Variants in FAR1 observed in about 807,000 individuals in gnomAD.
The protein encoded by FAR1 is male sterility domain-containing protein 2.
FAR1 carries 22 observed loss-of-function variants against 61.1 expected under a neutral mutation model. That is an observed-to-expected ratio of 0.36 (90% CI 0.26 to 0.51). The LOEUF is 0.51. Ranked by LOEUF, FAR1 falls within the 20% of genes least tolerant of loss-of-function variation. FAR1 has a pLI of 0.95. For synonymous variants in FAR1, 206 were observed against 209.7 expected, an observed-to-expected ratio of 0.98 and a Z score of 0.15; for missense variants, 359 against 626.9, an observed-to-expected ratio of 0.57 and a Z score of 4.56.
In FAR1 at chr11:13,672,560, A is replaced by G. The variant is rs562114134; in HGVS notation, c.-8+3754A>G. Among the ~76,000 whole-genome samples the G allele has an allele frequency of 6.6e-3, 1,004 of 151,444 alleles. 6 individuals carry two copies. The highest frequency in any genetic ancestry group is 6.5e-3 in the Non-Finnish European group (440 of 67,850). Reference sequence around the variant, plus strand: ...ACCCTGTCTCAAAAAAAAAAAAAAAAGTGAGCATTATTTTTATAATTAGTG... The same window carrying G: ...ACCCTGTCTCAAAAAAAAAAAAAAAGGTGAGCATTATTTTTATAATTAGTG... On this transcript the variant is annotated intron_variant, in intron 1 of 11. Coordinates refer to ENST00000354817, the MANE Select transcript of FAR1 (RefSeq NM_032228.6).
chr11:13,685,671 C>G (rs1447071834), intron 1 of FAR1: 2 of 172,316 alleles, frequency 1.2e-5, no homozygotes, highest in South Asian at 2.6e-4. Flanking sequence ...GAAGCCAAGT[C>G]GAGCACACAC....
At chr11:13,715,426 C>T (rs1848545569) in intron 9 of FAR1, among the ~76,000 whole-genome samples, 1 of 152,114 alleles carries the variant, frequency 6.6e-6, no homozygotes, top group Admixed American at 6.6e-5. Context: ...GCCCTTCTCT[C>T]CCTCTTAAAA....
At chr11:13,708,447 GCACACACACACA>G (rs61253307) in intron 4 of FAR1, among the ~76,000 whole-genome samples, 7 of 136,700 alleles carry the variant, frequency 5.1e-5, no homozygotes, top group African/African-American at 1.1e-4. Context: ...GCGCGCGCGC[GCACACACACACA>G]CACACACACA....
rs762762733 is a variant in FAR1 at position 13,714,654 on chromosome 11, C to T, written c.1101C>T (p.Tyr367=). 4 of 1,610,616 alleles carry T rather than the reference C, an allele frequency of 2.5e-6. No homozygotes were observed. Among genetic ancestry groups the T allele is most frequent in the Admixed American group, 1.7e-5 (1 of 58,966 alleles). The change falls in exon 9 of 12, where the codon TAC becomes TAT. Residue 367 remains tyrosine, a synonymous_variant. Coordinates refer to ENST00000354817, the MANE Select transcript of FAR1 (RefSeq NM_032228.6). The part of the protein sequence containing the change: ...HKAPAFLYDI[Y]LRMTGRSPRM... ...CCCCAGCATTCCTGTATGATATCTA[C>T]CTCAGGATGACTGGAAGAAGCCCAA... is the stretch of plus-strand genomic sequence containing the variant.
intron 4 of FAR1, among the ~76,000 whole-genome samples, chr11:13,708,677 A>C (rs917446701): frequency 6.6e-6 from 1 of 152,132 alleles, no homozygotes; most frequent in Non-Finnish European, 1.5e-5. Flanking sequence ...CAATCTTAGC[A>C]ACCAAGAAGT....
intron 1 of FAR1, among the ~76,000 whole-genome samples, chr11:13,687,681 C>T (rs932747830): frequency 1.3e-5 from 2 of 152,056 alleles, no homozygotes; most frequent in African/African-American, 4.8e-5. Flanking sequence ...GAATACATTT[C>T]TTTTCAAATT....
chr11:13,718,278 C>T (rs903228665), intron 9 of FAR1, among the ~76,000 whole-genome samples: 4 of 152,200 alleles, frequency 2.6e-5, no homozygotes, highest in African/African-American at 7.2e-5. Context: ...TCCTGGCTGA[C>T]ATTTTACATT....
At chr11:13,698,558 T>C (rs999502666) in intron 2 of FAR1, among the ~76,000 whole-genome samples, 1 of 152,104 alleles carries the variant, frequency 6.6e-6, no homozygotes, top group Non-Finnish European at 1.5e-5. Flanking sequence ...GCGACCGGGC[T>C]GGTGGCTCAC....
At chr11:13,715,573 TGG>T (rs1439385178) in intron 9 of FAR1, among the ~76,000 whole-genome samples, 4 of 152,156 alleles carry the variant, frequency 2.6e-5, no homozygotes, top group African/African-American at 9.7e-5. Context: ...GCTTATAATA[TGG>T]TTATTTCAGT....
chr11:13,708,486 T>C (rs1303204097), intron 4 of FAR1, among the ~76,000 whole-genome samples: 2 of 135,454 alleles, frequency 1.5e-5, no homozygotes, highest in Admixed American at 7.3e-5. Flanking sequence ...CATACATTTA[T>C]CTCTTTTCTT....
chr11:13,726,021 TTACTC>T (rs1214798955), intron 10 of FAR1, among the ~76,000 whole-genome samples: 1 of 152,034 alleles, frequency 6.6e-6, no homozygotes, highest in Non-Finnish European at 1.5e-5. Context: ...GTTTAGTAGG[TTACTC>T]TAGAGATTAC....
At chr11:13,701,351 A>G (rs986136077) in intron 3 of FAR1, among the ~76,000 whole-genome samples, 3 of 152,134 alleles carry the variant, frequency 2.0e-5, no homozygotes, top group Admixed American at 6.5e-5. Flanking sequence ...TTTAATTACT[A>G]TACATTGTAC....
At chr11:13,727,811 CTT>C (rs1399266319) in intron 11 of FAR1, 128 bp downstream of exon 11, 1 of 858,340 alleles carries the variant, frequency 1.2e-6, no homozygotes, top group Non-Finnish European at 1.7e-6. Flanking sequence ...ATGGTAATCT[CTT>C]ATATTTGTAG....
Position 13,700,481 on chromosome 11 carries a change from T to C in FAR1, c.354T>C (p.Asn118=), listed in dbSNP as rs773452726. The C allele has an allele frequency of 5.4e-6, 8 of 1,489,228 alleles. No homozygotes were observed. The South Asian group carries it at 1.1e-4, about 21-fold the overall frequency. 92.3% of individuals were successfully genotyped at this position (1,489,228 alleles called of 1,614,324 possible). A position where few individuals can be genotyped will look rare whatever the true frequency, so the allele number is the denominator to read the frequency against. The part of the protein sequence containing the change: ...IFHCAATVRF[N]ENLRDAVQLN... ...ACTGTGCAGCTACAGTAAGGTTTAA[T>C]GAAAATTTAAGGTAAGTACAAGTAA... The change falls in exon 3 of 12, where the codon AAT becomes AAC. Residue 118 remains asparagine, a synonymous_variant. Transcript: ENST00000354817.
rs1285250766 is a variant in FAR1, at chr11:13,731,267, G to A, written c.*2493G>A. On this transcript the variant is annotated 3_prime_UTR_variant, in exon 12 of 12. Coordinates refer to ENST00000354817, the MANE Select transcript of FAR1 (RefSeq NM_032228.6). ...CTTGGCAGTACGTTCTTTGACTTAA[G>A]GATGGCATAAAATAATCATTTTTGA... is the stretch of plus-strand genomic sequence containing the variant. The A allele has an allele frequency of 6.6e-6, 1 of 152,532 alleles. No homozygotes were observed. Among genetic ancestry groups the A allele is most frequent in the Non-Finnish European group, 1.5e-5 (1 of 68,000 alleles). 9.4% of individuals were successfully genotyped at this position (152,532 alleles called of 1,614,324 possible).
chr11:13,670,320 G>C (rs767892394), intron 1 of FAR1, among the ~76,000 whole-genome samples: 1 of 148,582 alleles, frequency 6.7e-6, no homozygotes, highest in South Asian at 2.2e-4. Context: ...TGTGTGTCTC[G>C]CTTTGTTGCC....
intron 10 of FAR1, 90 bp from the exon 11 acceptor site, chr11:13,727,466 G>A: frequency 8.7e-7 from 1 of 1,146,268 alleles, no homozygotes; most frequent in Non-Finnish European, 1.2e-6. Context: ...TATGTCACTT[G>A]GAACTGGCCT....
intron 10 of FAR1, among the ~76,000 whole-genome samples, chr11:13,722,157 T>TCAAA (rs1469113706): frequency 6.6e-6 from 1 of 152,174 alleles, no homozygotes; most frequent in African/African-American, 2.4e-5. Context: ...TGTTTTTCTT[T>TCAAA]CAAACACTTT....
chr11:13,715,627 A>G (rs1471201722), intron 9 of FAR1, among the ~76,000 whole-genome samples: 1 of 152,192 alleles, frequency 6.6e-6, no homozygotes, highest in Non-Finnish European at 1.5e-5. Context: ...TAGTTATGAA[A>G]AAAAAGTTAA....
Sources: gnomAD v4.1 joint callset for allele counts (sites outside exome capture counted in the v4.1 genomes callset) on GRCh38, gnomAD v4.1.1 for gene constraint, MANE v1.5 for transcripts, NCBI Gene and HGNC (gene_info 2026-07-23, HGNC 2026-07-21) for gene names.